The following TENM4 variants were observed in gnomAD, a reference collection of about 807,000 sequenced individuals.
The protein encoded by TENM4 is teneurin-4.
TENM4 carries 82 observed loss-of-function variants against 243.3 expected under a neutral mutation model. The observed-to-expected ratio is 0.34, with a 90% CI of 0.28 to 0.40. TENM4 has a LOEUF of 0.40. Among genes scored for constraint, TENM4 ranks in the 10% least tolerant of loss-of-function variants. The pLI is 1.00. For synonymous variants in TENM4, 1,412 were observed against 1,456.3 expected, an observed-to-expected ratio of 0.97 and a Z score of 0.69; for missense variants, 3,138 against 3,673.3, an observed-to-expected ratio of 0.85 and a Z score of 3.77.
chr11:78,786,990 C>T lies in TENM4; in HGVS notation c.2273G>A (p.Arg758Gln), dbSNP rs750353231. Residue 758 changes from arginine to glutamine, a missense_variant, in exon 16 of 34, where the codon CGG (arginine) becomes CAG (glutamine). Physicochemically the swap from Arg to Gln is conservative, Grantham distance 43 (BLOSUM62 1). This residue lies in a region of TENM4 where 2,467 missense variants were observed against 3,059.1 expected (regional missense o/e 0.81). Transcript: ENST00000278550. ...CTCGGCACAGCGCGGGTGGCAGGCC[C>T]GCTGGTCGCAGGCTGCCCCCATCCA... ...DGWMGAACDQ[R>Q]ACHPRCAEHG... 5.7e-6 allele frequency: 9 copies of T among 1,577,588 alleles called. No homozygotes were observed. The highest frequency in any genetic ancestry group is 6.0e-6 in the Non-Finnish European group (7 of 1,161,820).
chr11:79,078,238 A>T (rs1461872308), intron 4 of TENM4, among the ~76,000 whole-genome samples: 1 of 152,160 alleles, frequency 6.6e-6, no homozygotes, highest in Non-Finnish European at 1.5e-5. Context: ...AAGTTTTATA[A>T]GTTTTCCTTA....
At chr11:79,414,006 GA>G (rs538064129) in intron 1 of TENM4, among the ~76,000 whole-genome samples, 13 of 150,334 alleles carry the variant, frequency 8.6e-5, no homozygotes, top group African/African-American at 2.7e-4. Context: ...ATTAAGAACA[GA>G]AAAAAAAAGA....
At chr11:78,733,159 A>G (rs1855706215) in intron 20 of TENM4, among the ~76,000 whole-genome samples, 1 of 152,236 alleles carries the variant, frequency 6.6e-6, no homozygotes, top group Admixed American at 6.5e-5. Context: ...TGCAATTACA[A>G]AATAGCTAAG....
At chr11:79,296,941 T>A (rs531304752) in intron 2 of TENM4, among the ~76,000 whole-genome samples, 1 of 152,324 alleles carries the variant, frequency 6.6e-6, no homozygotes, top group South Asian at 2.1e-4. Flanking sequence ...ATTTATCTTG[T>A]TCTCAGTGCC....
intron 2 of TENM4, among the ~76,000 whole-genome samples, chr11:79,222,233 T>C (rs1009226302): frequency 4.6e-5 from 7 of 152,204 alleles, no homozygotes; most frequent in Non-Finnish European, 1.0e-4. Context: ...CAGTTCCCAC[T>C]TTTAAGTGAG....
At chr11:79,291,632 G>A (rs1374492213) in intron 2 of TENM4, among the ~76,000 whole-genome samples, 2 of 152,160 alleles carry the variant, frequency 1.3e-5, no homozygotes, top group African/African-American at 4.8e-5. Context: ...AAAAGCCATT[G>A]CTGGGCCGAG....
At chr11:79,117,433 T>C (rs1861646166) in intron 4 of TENM4, among the ~76,000 whole-genome samples, 1 of 152,150 alleles carries the variant, frequency 6.6e-6, no homozygotes, top group South Asian at 2.1e-4. Flanking sequence ...AATGTTGTGA[T>C]CATGACAGAG....
chr11:79,312,322 A>C (rs952198148), intron 1 of TENM4, among the ~76,000 whole-genome samples: 1 of 152,234 alleles, frequency 6.6e-6, no homozygotes. Flanking sequence ...GGGAGATTTC[A>C]GTAAATATTT....
chr11:79,210,876 C>A (rs767012917), intron 3 of TENM4, among the ~76,000 whole-genome samples: 1 of 152,138 alleles, frequency 6.6e-6, no homozygotes, highest in Non-Finnish European at 1.5e-5. Flanking sequence ...GTGACCATAG[C>A]CCTCTGTATA....
intron 6 of TENM4, among the ~76,000 whole-genome samples, chr11:78,954,107 CAA>C (rs1450660356): frequency 7.2e-5 from 11 of 152,134 alleles, no homozygotes; most frequent in African/African-American, 2.7e-4. Context: ...AAGGAAGCCA[CAA>C]AGTTTCCTGG....
At chr11:78,720,981 T>G (rs1467149339) in intron 24 of TENM4, among the ~76,000 whole-genome samples, 1 of 152,222 alleles carries the variant, frequency 6.6e-6, no homozygotes, top group Non-Finnish European at 1.5e-5. Flanking sequence ...TCTCCCTTCT[T>G]CACCCACTGT....
intron 6 of TENM4, among the ~76,000 whole-genome samples, chr11:78,974,060 T>C (rs1296316957): frequency 1.3e-5 from 2 of 152,112 alleles, no homozygotes; most frequent in Non-Finnish European, 2.9e-5. Context: ...GAAATCAGCC[T>C]TGAGACATTG....
chr11:79,308,100 G>A lies in TENM4; in HGVS notation c.-320-10557C>T, dbSNP rs561260189. ...GTGGCTCAGGCTGGGTGGAGAGGCCGGAGGCAGAGCTTGGCACTGAATGAG... is the reference window on the plus strand; with the variant it reads ...GTGGCTCAGGCTGGGTGGAGAGGCCAGAGGCAGAGCTTGGCACTGAATGAG... On this transcript the variant is annotated intron_variant, in intron 1 of 33. Coordinates refer to ENST00000278550, the MANE Select transcript of TENM4 (RefSeq NM_001098816.3). 1.7e-3 allele frequency among the ~76,000 whole-genome samples: 256 copies of A among 152,322 alleles called. 1 individual carries two copies. The highest frequency in any genetic ancestry group is 5.7e-3 in the African/African-American group (237 of 41,562).
chr11:78,996,257 C>A (rs978615154), intron 6 of TENM4, among the ~76,000 whole-genome samples: 48 of 152,286 alleles, frequency 3.2e-4, no homozygotes, highest in Admixed American at 2.6e-4. Flanking sequence ...AACTAGTAAC[C>A]TATGCTTCCT....
In TENM4 at chr11:78,903,264, G is replaced by T; in HGVS notation, c.749+4C>A. ...CAGCCTCACCCTCCCTACCGGCCGC[G>T]CACCTGGTCTCCAGGGGGATGTTGC... On this transcript the variant is annotated splice_donor_region_variant and intron_variant, in intron 7 of 33. Transcript: ENST00000278550. The T allele has an allele frequency of 6.7e-7, 1 of 1,488,708 alleles. No homozygotes were observed. The highest frequency in any genetic ancestry group is 8.9e-7 in the Non-Finnish European group (1 of 1,124,598). 92.2% of individuals were successfully genotyped at this position (1,488,708 alleles called of 1,614,324 possible).
At chr11:78,925,913 A>G (rs1290409686) in intron 6 of TENM4, among the ~76,000 whole-genome samples, 2 of 151,662 alleles carry the variant, frequency 1.3e-5, no homozygotes, top group African/African-American at 4.9e-5. Context: ...ACAAGAAAAG[A>G]GGAATAGTTA....
intron 2 of TENM4, among the ~76,000 whole-genome samples, chr11:79,216,192 A>AATT (rs1590801502): frequency 6.6e-6 from 1 of 152,160 alleles, no homozygotes; most frequent in East Asian, 1.9e-4. Flanking sequence ...GCCTTAAAAT[A>AATT]ATTGTTTACA....
At chr11:79,127,631 TA>T in intron 4 of TENM4, among the ~76,000 whole-genome samples, 1 of 152,356 alleles carries the variant, frequency 6.6e-6, no homozygotes. Flanking sequence ...CTTTGTTTCA[TA>T]ATCTTATTCG....
intron 6 of TENM4, among the ~76,000 whole-genome samples, chr11:79,031,153 C>T (rs1170081846): frequency 3.9e-5 from 6 of 152,102 alleles, no homozygotes; most frequent in Admixed American, 2.0e-4. Context: ...AAGTACTTAG[C>T]AAATGATGTC....
Sources: allele counts gnomAD v4.1 joint callset (sites outside exome capture counted in the v4.1 genomes callset), GRCh38; gene constraint gnomAD v4.1.1; regional missense constraint gnomAD v4.1.1; transcripts MANE v1.5; gene names NCBI Gene and HGNC (gene_info 2026-07-23, HGNC 2026-07-21).